The following ADGRG6 variants were observed in gnomAD, a reference collection of about 807,000 sequenced individuals.
ADGRG6 encodes the protein G-protein coupled receptor 126.
ADGRG6 carries 84 observed loss-of-function variants against 142.4 expected under a neutral mutation model. The observed-to-expected ratio is 0.59, with a 90% CI of 0.49 to 0.71. The LOEUF (loss-of-function observed/expected upper bound fraction) is 0.71. ADGRG6 is among the 30% of genes least tolerant of loss of function. The pLI is 0.00. For missense variants in ADGRG6, 1,367 were observed against 1,466.6 expected (o/e 0.93, Z 1.11); for synonymous variants, 521 against 520.5 (o/e 1.00, Z -0.01).
chr6:142,368,595 C>T (rs1583046071), intron 3 of ADGRG6, among the ~76,000 whole-genome samples: 2 of 151,498 alleles, frequency 1.3e-5, no homozygotes, highest in South Asian at 4.2e-4. Flanking sequence ...AAAGGTACAA[C>T]TATAAAAATG....
At chr6:142,366,649 G>C (rs9942441) in intron 2 of ADGRG6, among the ~76,000 whole-genome samples, 6,725 of 151,880 alleles carry the variant, frequency 0.044, 318 homozygotes, top group African/African-American at 0.12. Flanking sequence ...TAGCTACTCG[G>C]GAGGCTGAGG....
chr6:142,410,318 C>T (rs1776016868), intron 17 of ADGRG6, among the ~76,000 whole-genome samples: 1 of 152,002 alleles, frequency 6.6e-6, no homozygotes, highest in African/African-American at 2.4e-5. Context: ...ATCCAGCTTC[C>T]AGACCTCCAG....
intron 2 of ADGRG6, among the ~76,000 whole-genome samples, chr6:142,354,751 T>G (rs946835059): frequency 2.0e-5 from 3 of 152,238 alleles, no homozygotes; most frequent in Non-Finnish European, 4.4e-5. Flanking sequence ...ATTGCATATA[T>G]GTAAACTATT....
intron 2 of ADGRG6, among the ~76,000 whole-genome samples, chr6:142,354,485 T>G (rs767086437): frequency 2.0e-5 from 3 of 152,216 alleles, no homozygotes; most frequent in Non-Finnish European, 4.4e-5. Context: ...ATGAAATCAT[T>G]TCATACATTC....
chr6:142,390,738 C>G (rs934052842), intron 7 of ADGRG6, among the ~76,000 whole-genome samples: 5 of 151,738 alleles, frequency 3.3e-5, no homozygotes, highest in African/African-American at 1.2e-4. Context: ...AGTCTTCCAC[C>G]CATCCTTGCT....
At chr6:142,364,087 G>A (rs1780836429) in intron 2 of ADGRG6, among the ~76,000 whole-genome samples, 1 of 151,520 alleles carries the variant, frequency 6.6e-6, no homozygotes, top group Admixed American at 6.6e-5. Flanking sequence ...CTATCAATTA[G>A]ATGTGTGACT....
intron 4 of ADGRG6, among the ~76,000 whole-genome samples, chr6:142,381,468 A>C (rs566626947): frequency 7.9e-5 from 12 of 152,360 alleles, no homozygotes; most frequent in Non-Finnish European, 1.5e-4. Flanking sequence ...TAAAAGCTTG[A>C]AATAAAAAGA....
At chr6:142,417,043 T>A (rs1044297122) in intron 20 of ADGRG6, 3 of 544,970 alleles carry the variant, frequency 5.5e-6, no homozygotes, top group Non-Finnish European at 9.9e-6. Context: ...TATCTGTCAT[T>A]TAAGAGTAGG....
chr6:142,387,906 T>C (rs936064921), intron 6 of ADGRG6, among the ~76,000 whole-genome samples: 8 of 152,206 alleles, frequency 5.3e-5, no homozygotes, highest in African/African-American at 1.9e-4. Flanking sequence ...AATAAATTCT[T>C]TGGGCCTAGA....
intron 8 of ADGRG6, among the ~76,000 whole-genome samples, 187 bp downstream of exon 8, chr6:142,393,187 A>G (rs1774991245): frequency 6.6e-6 from 1 of 152,142 alleles, no homozygotes; most frequent in Non-Finnish European, 1.5e-5. Flanking sequence ...CGATGGTTTT[A>G]AACTGTTTTG....
At chr6:142,339,624 T>G (rs532471216) in intron 2 of ADGRG6, among the ~76,000 whole-genome samples, 3 of 152,322 alleles carry the variant, frequency 2.0e-5, no homozygotes, top group African/African-American at 4.8e-5. Flanking sequence ...GCTAGGTTCA[T>G]GCAGTGCTCT....
intron 14 of ADGRG6, among the ~76,000 whole-genome samples, chr6:142,404,877 G>A (rs1775718646): frequency 6.6e-6 from 1 of 152,132 alleles, no homozygotes; most frequent in Admixed American, 6.5e-5. Flanking sequence ...GCTGGGGCTG[G>A]ATTAATGGAG....
intron 6 of ADGRG6, among the ~76,000 whole-genome samples, chr6:142,388,494 C>G (rs981541516): frequency 3.3e-5 from 5 of 151,898 alleles, no homozygotes; most frequent in Admixed American, 1.3e-4. Context: ...TTCCTATAAA[C>G]CCACTATTAA....
At chr6:142,408,938 C>T (rs567933936) in intron 16 of ADGRG6, among the ~76,000 whole-genome samples, 4 of 152,230 alleles carry the variant, frequency 2.6e-5, no homozygotes, top group East Asian at 1.9e-4. Context: ...TCCTTTGCCA[C>T]GAACCGTCTT....
chr6:142,379,029 A>G (rs1781626845), intron 4 of ADGRG6, among the ~76,000 whole-genome samples: 4 of 152,190 alleles, frequency 2.6e-5, no homozygotes, highest in Admixed American at 2.6e-4. Context: ...AACACTCTAT[A>G]GCTTCTGATG....
At chr6:142,426,650 G>C (rs1012220959) in intron 22 of ADGRG6, among the ~76,000 whole-genome samples, 2 of 152,352 alleles carry the variant, frequency 1.3e-5, no homozygotes, top group African/African-American at 2.4e-5. Flanking sequence ...TAGGGACTCT[G>C]TGTGGGGCCC....
chr6:142,369,257 A>G (rs1583047075), intron 3 of ADGRG6, among the ~76,000 whole-genome samples: 1 of 152,210 alleles, frequency 6.6e-6, no homozygotes, highest in African/African-American at 2.4e-5. Flanking sequence ...ATAATTTTGC[A>G]TGTATCATGG....
At chr6:142,362,214 T>A (rs944400767) in intron 2 of ADGRG6, among the ~76,000 whole-genome samples, 5 of 152,230 alleles carry the variant, frequency 3.3e-5, no homozygotes, top group Admixed American at 3.3e-4. Context: ...CTTGTTCATT[T>A]TCTAGCAATG....
chr6:142,304,232 A>G (rs1777371416), intron 1 of ADGRG6, among the ~76,000 whole-genome samples: 1 of 152,212 alleles, frequency 6.6e-6, no homozygotes, highest in African/African-American at 2.4e-5. Flanking sequence ...ATTCAAGTTC[A>G]GAAACTACTT....
Sources: gnomAD v4.1 joint callset for allele counts (sites outside exome capture counted in the v4.1 genomes callset) on GRCh38, gnomAD v4.1.1 for gene constraint, MANE v1.5 for transcripts, NCBI Gene and HGNC (gene_info 2026-07-23, HGNC 2026-07-21) for gene names.